ZMYM2: variants seen among roughly 807,000 people sequenced by gnomAD.
ZMYM2 encodes zinc finger MYM-type protein 2.
ZMYM2 carries 56 observed loss-of-function variants against 162.8 expected under a neutral mutation model. That is an observed-to-expected ratio of 0.34 (90% CI 0.28 to 0.43). The LOEUF is 0.43. Ranked by LOEUF, ZMYM2 falls within the 20% of genes least tolerant of loss-of-function variation. ZMYM2 has a pLI of 1.00. For missense variants in ZMYM2, 1,275 were observed against 1,621.8 expected (o/e 0.79, Z 3.67); for synonymous variants, 510 against 541.6 (o/e 0.94, Z 0.81).
chr13:20,065,573 G>A (rs1956611265), intron 19 of ZMYM2, among the ~76,000 whole-genome samples: 1 of 152,190 alleles, frequency 6.6e-6, no homozygotes, highest in Admixed American at 6.5e-5. Flanking sequence ...GAAGGCTGAG[G>A]CGGGAAGATT....
chr13:19,890,581 C>G, the ZMYM2 span, among the ~76,000 whole-genome samples: 1 of 147,828 alleles, frequency 6.8e-6, no homozygotes, highest in African/African-American at 2.5e-5. Context: ...TTGTAGAACA[C>G]GTATCTCTGG....
At chr13:20,083,186 C>T (rs1958022425) in intron 23 of ZMYM2, among the ~76,000 whole-genome samples, 154 bp downstream of exon 23, 1 of 152,188 alleles carries the variant, frequency 6.6e-6, no homozygotes, top group South Asian at 2.1e-4. Flanking sequence ...CCTCAGCCTC[C>T]TGAGTGGCTG....
chr13:20,019,450 T>C, intron 6 of ZMYM2, 97 bp from the exon 7 acceptor site: 3 of 1,083,776 alleles, frequency 2.8e-6, no homozygotes, highest in East Asian at 2.6e-5. Flanking sequence ...TCACAAAATA[T>C]AATTGAGAAG....
At chr13:19,917,134 T>G in the ZMYM2 span, among the ~76,000 whole-genome samples, 1 of 151,898 alleles carries the variant, frequency 6.6e-6, no homozygotes, top group Non-Finnish European at 1.5e-5. Flanking sequence ...GGCTAATTTT[T>G]TGTATTTTTA....
At chr13:19,976,201 G>A (rs759968094) in intron 2 of ZMYM2, among the ~76,000 whole-genome samples, 14 of 151,658 alleles carry the variant, frequency 9.2e-5, no homozygotes, top group East Asian at 1.9e-4. Flanking sequence ...GCTGGCGCGT[G>A]CCTGTAGTCC....
intron 17 of ZMYM2, 149 bp from the exon 18 acceptor site, chr13:20,062,697 T>C: frequency 2.7e-6 from 2 of 734,308 alleles, no homozygotes; most frequent in African/African-American, 3.6e-5. Flanking sequence ...GAGATAGTTA[T>C]ATATATAATA....
chr13:19,961,676 T>C (rs549266148), intron 2 of ZMYM2, among the ~76,000 whole-genome samples: 2 of 152,246 alleles, frequency 1.3e-5, no homozygotes, highest in Admixed American at 6.5e-5. Context: ...TCAGTACTTT[T>C]CTGTAATGTC....
intron 6 of ZMYM2, among the ~76,000 whole-genome samples, chr13:20,006,857 G>T (rs1386834533): frequency 1.3e-5 from 2 of 152,192 alleles, no homozygotes; most frequent in Non-Finnish European, 2.9e-5. Flanking sequence ...TAAACCCGTT[G>T]TAAGTTGGAA....
chr13:20,057,673 C>G (rs1955906655), intron 14 of ZMYM2, among the ~76,000 whole-genome samples: 1 of 152,146 alleles, frequency 6.6e-6, no homozygotes, highest in East Asian at 1.9e-4. Flanking sequence ...CAAATATTCT[C>G]TAATGAAATA....
chr13:19,885,019 A>G, the ZMYM2 span, among the ~76,000 whole-genome samples: 3 of 152,124 alleles, frequency 2.0e-5, no homozygotes, highest in East Asian at 1.9e-4. Context: ...GCTGATTGGT[A>G]TATTTATAAT....
chr13:20,080,481 A>G (rs1049273640), intron 21 of ZMYM2, among the ~76,000 whole-genome samples: 2 of 151,572 alleles, frequency 1.3e-5, no homozygotes, highest in Non-Finnish European at 2.9e-5. Context: ...GAATCCGACA[A>G]TATCTGTCTC....
At chr13:19,895,911 T>C in the ZMYM2 span, among the ~76,000 whole-genome samples, 1 of 151,674 alleles carries the variant, frequency 6.6e-6, no homozygotes, top group Admixed American at 6.6e-5. Context: ...TAATGGACAA[T>C]GAAACATTTT....
At chr13:19,958,255 G>A (rs1020984068), upstream of ZMYM2, among the ~76,000 whole-genome samples, 10 of 152,182 alleles carry the variant, frequency 6.6e-5, no homozygotes, top group Admixed American at 1.3e-4. Context: ...GGAGGGCGTT[G>A]GGGCATCGAG....
At chr13:19,953,552 C>T in the ZMYM2 span, among the ~76,000 whole-genome samples, 11 of 151,928 alleles carry the variant, frequency 7.2e-5, no homozygotes, top group South Asian at 1.0e-3. Flanking sequence ...GGCGTGGTGG[C>T]GCTTGCCTGT....
rs57294389 is a variant in ZMYM2, at chr13:20,032,599, C to CTTTTTTT, written c.1968+1185_1968+1191dup. 7.3e-4 allele frequency among the ~76,000 whole-genome samples: 48 copies of CTTTTTTT among 66,034 alleles called. 1 individual carries two copies. The highest frequency in any genetic ancestry group is 1.3e-3 in the African/African-American group (19 of 14,756). The allele number at this position is 66,034 out of a possible 152,430, so 43.3% of individuals were successfully genotyped here. ...CTGGATTACATGATTTTTTTTCTGT[C>CTTTTTTT]TTTTTTTTTTTTTTTTTTTTTTTTT... is the stretch of plus-strand genomic sequence containing the variant. On this transcript the variant is annotated intron_variant, in intron 10 of 24. Coordinates refer to ENST00000610343, the MANE Select transcript of ZMYM2 (RefSeq NM_197968.4).
chr13:19,962,496 G>GATATATATATATATATAT (rs199575840), intron 2 of ZMYM2, among the ~76,000 whole-genome samples: 28 of 84,822 alleles, frequency 3.3e-4, no homozygotes, highest in African/African-American at 1.7e-3. Flanking sequence ...AATTGCATGG[G>GATATATATATATATATAT]ATATATATAT....
the ZMYM2 span, among the ~76,000 whole-genome samples, chr13:19,882,479 G>A: frequency 1.3e-5 from 2 of 152,160 alleles, no homozygotes; most frequent in Admixed American, 1.3e-4. Flanking sequence ...CGTGGTGGTA[G>A]CTCACACCTG....
At chr13:19,882,460 T>C in the ZMYM2 span, among the ~76,000 whole-genome samples, 1 of 152,100 alleles carries the variant, frequency 6.6e-6, no homozygotes, top group Admixed American at 6.6e-5. Flanking sequence ...AAAACCACAA[T>C]TGGCTGGGCG....
chr13:19,897,045 C>A, the ZMYM2 span, among the ~76,000 whole-genome samples: 1 of 149,170 alleles, frequency 6.7e-6, no homozygotes, highest in Non-Finnish European at 1.5e-5. Context: ...TGCACTCCAG[C>A]CTGGGCAACA....
Sources: allele counts gnomAD v4.1 joint callset (sites outside exome capture counted in the v4.1 genomes callset), GRCh38; gene constraint gnomAD v4.1.1; transcripts MANE v1.5; gene names NCBI Gene and HGNC (gene_info 2026-07-23, HGNC 2026-07-21).